MGAT4C: variants seen among roughly 807,000 people sequenced by gnomAD.
MGAT4C encodes MGAT4 family member C, also known as alpha-1,3-mannosyl-glycoprotein 4-beta-N-acetylglucosaminyltransferase C.
MGAT4C carries 19 observed loss-of-function variants against 40.1 expected under a neutral mutation model. The observed-to-expected ratio is 0.47, with a 90% CI of 0.33 to 0.70. MGAT4C has a LOEUF of 0.70. Among genes scored for constraint, MGAT4C ranks in the 30% least tolerant of loss-of-function variants. MGAT4C has a pLI of 0.02. For missense variants in MGAT4C, 491 were observed against 563.2 expected (o/e 0.87, Z 1.30); for synonymous variants, 181 against 187.1 (o/e 0.97, Z 0.27).
At chr12:86,459,953 G>A (rs1318721508) in intron 2 of MGAT4C, among the ~76,000 whole-genome samples, 1 of 151,820 alleles carries the variant, frequency 6.6e-6, no homozygotes, top group Non-Finnish European at 1.5e-5. Context: ...GACTTCCAAT[G>A]TTAACATTTT....
intron 2 of MGAT4C, among the ~76,000 whole-genome samples, chr12:86,648,372 A>G (rs1348913600): frequency 6.6e-6 from 1 of 151,916 alleles, no homozygotes; most frequent in African/African-American, 2.4e-5. Flanking sequence ...GAGCATATTC[A>G]TCTGTTGAAA....
chr12:86,570,561 T>A (rs1960319901), intron 2 of MGAT4C, among the ~76,000 whole-genome samples: 1 of 152,046 alleles, frequency 6.6e-6, no homozygotes, highest in East Asian at 1.9e-4. Flanking sequence ...CTCAAAAATA[T>A]GTAATGAATA....
chr12:86,491,530 A>G (rs1018463839), intron 2 of MGAT4C, among the ~76,000 whole-genome samples: 24 of 152,044 alleles, frequency 1.6e-4, no homozygotes, highest in African/African-American at 5.8e-4. Flanking sequence ...TATAAACAGA[A>G]CCAAAGACAA....
intron 2 of MGAT4C, among the ~76,000 whole-genome samples, chr12:86,551,833 A>G (rs1157181857): frequency 1.3e-5 from 2 of 152,154 alleles, no homozygotes. Flanking sequence ...ACTAGCATGG[A>G]TTACATCTGA....
intron 1 of MGAT4C, among the ~76,000 whole-genome samples, chr12:86,089,742 A>G (rs905814090): frequency 2.6e-5 from 4 of 151,676 alleles, no homozygotes; most frequent in African/African-American, 9.7e-5. Context: ...TTTTCAAGTC[A>G]CATTTTGCCA....
intron 2 of MGAT4C, among the ~76,000 whole-genome samples, chr12:86,520,127 T>C (rs1229104504): frequency 2.0e-5 from 3 of 152,176 alleles, no homozygotes; most frequent in Admixed American, 6.5e-5. Context: ...TAAACTTGTG[T>C]CATGGGGGTA....
intron 2 of MGAT4C, among the ~76,000 whole-genome samples, chr12:86,679,675 A>G (rs1414365648): frequency 6.6e-6 from 1 of 152,090 alleles, no homozygotes; most frequent in African/African-American, 2.4e-5. Flanking sequence ...TCAGAGAGCT[A>G]TCTAGCTCCT....
chr12:86,317,426 G>T (rs953002289), intron 4 of MGAT4C, among the ~76,000 whole-genome samples: 9 of 151,956 alleles, frequency 5.9e-5, no homozygotes, highest in African/African-American at 1.9e-4. Flanking sequence ...AGAAAGGCAG[G>T]TATTCTCTAA....
rs539250548 is a variant in MGAT4C, at chr12:85,979,943, A to G, written c.783T>C (p.Gly261=). The G allele has an allele frequency of 1.6e-5, 26 of 1,613,902 alleles. No homozygotes were observed. The East Asian group carries it at 5.4e-4, about 33-fold the overall frequency. Residue 261 remains glycine (G), a synonymous_variant, in exon 5 of 5, where the codon GGT becomes GGC. Coordinates refer to ENST00000611864, the MANE Select transcript of MGAT4C (RefSeq NM_001351288.2). The stretch of plus-strand genomic sequence containing the variant: ...GGAGATCATGAGAATGATAGAGTTT[A>G]CCAATGTAGCCAAGCTTAGAGAATT... ...TLEFSKLGYI[G]KLYHSHDLPR... is the part of the protein sequence containing the mutation.
intron 2 of MGAT4C, among the ~76,000 whole-genome samples, chr12:86,624,557 CA>C (rs1209581417): frequency 6.6e-6 from 1 of 152,060 alleles, no homozygotes; most frequent in African/African-American, 2.4e-5. Flanking sequence ...CAACATAAAA[CA>C]GTGACTTTAA....
chr12:86,211,361 G>A (rs1950454573), intron 1 of MGAT4C, among the ~76,000 whole-genome samples: 1 of 120,612 alleles, frequency 8.3e-6, no homozygotes, highest in Non-Finnish European at 1.6e-5. Context: ...AAGAGATCAA[G>A]ACCATCCTGG....
chr12:86,536,304 A>C (rs1460484214), intron 2 of MGAT4C, among the ~76,000 whole-genome samples: 2 of 152,174 alleles, frequency 1.3e-5, no homozygotes, highest in Admixed American at 1.3e-4. Context: ...TAAAGGACAT[A>C]GATTTGCAAT....
intron 4 of MGAT4C, among the ~76,000 whole-genome samples, chr12:86,328,551 T>G (rs765462361): frequency 1.3e-5 from 2 of 152,132 alleles, no homozygotes; most frequent in Non-Finnish European, 2.9e-5. Flanking sequence ...AATATTAAAA[T>G]ATTACCATTT....
At chr12:86,322,800 C>A (rs1483515510) in intron 4 of MGAT4C, among the ~76,000 whole-genome samples, 1 of 151,868 alleles carries the variant, frequency 6.6e-6, no homozygotes, top group African/African-American at 2.4e-5. Context: ...TTTTAGATTG[C>A]AAAATTATAC....
intron 4 of MGAT4C, among the ~76,000 whole-genome samples, chr12:86,274,627 G>A (rs7137308): frequency 0.72 from 109,908 of 152,028 alleles, 40,047 homozygotes; most frequent in East Asian, 0.95. Flanking sequence ...CAGATTTACA[G>A]ATGGAATGTT....
chr12:86,043,673 A>G (rs1892094368), intron 2 of MGAT4C, among the ~76,000 whole-genome samples: 1 of 152,190 alleles, frequency 6.6e-6, no homozygotes, highest in African/African-American at 2.4e-5. Context: ...AATCAAATCA[A>G]GTTGACACTC....
At chr12:86,358,335 C>A (rs1955366816) in intron 3 of MGAT4C, among the ~76,000 whole-genome samples, 1 of 152,156 alleles carries the variant, frequency 6.6e-6, no homozygotes, top group African/African-American at 2.4e-5. Flanking sequence ...AAGCACTAAA[C>A]ATGGAAAGGA....
intron 3 of MGAT4C, among the ~76,000 whole-genome samples, chr12:86,355,075 C>A (rs781512810): frequency 2.0e-5 from 3 of 152,174 alleles, no homozygotes; most frequent in Non-Finnish European, 4.4e-5. Context: ...TAGCTAGCTA[C>A]AGAGTGCTGA....
chr12:85,982,478 C>G (rs896264932), intron 4 of MGAT4C, among the ~76,000 whole-genome samples: 1 of 152,146 alleles, frequency 6.6e-6, no homozygotes, highest in Non-Finnish European at 1.5e-5. Context: ...CATGAGCCAC[C>G]AAACCCAGCC....
Sources: allele counts gnomAD v4.1 joint callset (sites outside exome capture counted in the v4.1 genomes callset), GRCh38; gene constraint gnomAD v4.1.1; transcripts MANE v1.5; gene names NCBI Gene and HGNC (gene_info 2026-07-23, HGNC 2026-07-21).